Variants in BRINP3 observed in about 807,000 individuals in gnomAD.
BRINP3 encodes BMP/retinoic acid-inducible neural-specific protein 3.
A neutral mutation model predicts 71.0 loss-of-function variants in BRINP3; 19 were observed. That is an observed-to-expected ratio of 0.27 (90% confidence interval 0.19 to 0.39). The LOEUF (loss-of-function observed/expected upper bound fraction) is 0.39. BRINP3 is among the 10% of genes least tolerant of loss of function. The pLI is 1.00. For missense variants in BRINP3, 959 were observed against 940.8 expected, an observed-to-expected ratio of 1.02 and a Z score of -0.25; for synonymous variants, 380 against 337.7, an observed-to-expected ratio of 1.13 and a Z score of -1.37.
At chr1:190,448,710 A>T (rs1439528712) in intron 2 of BRINP3, among the ~76,000 whole-genome samples, 1 of 151,840 alleles carries the variant, frequency 6.6e-6, no homozygotes, top group East Asian at 1.9e-4. Context: ...GAAATTTTTA[A>T]GTCTGATTAT....
chr1:190,453,201 G>GTTTTTTTTTTTTTTTTTT (rs745819844), intron 2 of BRINP3, among the ~76,000 whole-genome samples: 1 of 37,854 alleles, frequency 2.6e-5, no homozygotes, highest in Non-Finnish European at 6.1e-5. Context: ...AAAAACTTTA[G>GTTTTTTTTTTTTTTTTTT]TATTTTTTTT....
intron 4 of BRINP3, among the ~76,000 whole-genome samples, chr1:190,242,972 C>T (rs1265846410): frequency 1.3e-5 from 2 of 152,086 alleles, no homozygotes; most frequent in African/African-American, 4.8e-5. Flanking sequence ...GGCACGACTA[C>T]AATGATTGGT....
chr1:190,146,160 A>G (rs1406429440), intron 7 of BRINP3, among the ~76,000 whole-genome samples: 1 of 152,172 alleles, frequency 6.6e-6, no homozygotes, highest in Non-Finnish European at 1.5e-5. Flanking sequence ...TAAAGAACTT[A>G]TCCATGTAAC....
chr1:190,246,750 G>A (rs201500026), intron 4 of BRINP3, among the ~76,000 whole-genome samples: 1 of 151,978 alleles, frequency 6.6e-6, no homozygotes, highest in Non-Finnish European at 1.5e-5. Context: ...TATGTGGCTT[G>A]CCTCCTTTTC....
chr1:190,205,293 T>G (rs1655399994), intron 6 of BRINP3, among the ~76,000 whole-genome samples: 1 of 150,586 alleles, frequency 6.6e-6, no homozygotes, highest in Admixed American at 6.6e-5. Flanking sequence ...CAGTAAGCGG[T>G]TGATATGGTT....
intron 6 of BRINP3, among the ~76,000 whole-genome samples, chr1:190,206,350 T>C (rs1655497840): frequency 6.6e-6 from 1 of 151,576 alleles, no homozygotes; most frequent in South Asian, 2.1e-4. Context: ...TAAATGTCAA[T>C]GAGCAGTAAG....
intron 6 of BRINP3, among the ~76,000 whole-genome samples, chr1:190,186,507 A>G (rs1209574062): frequency 6.6e-6 from 1 of 152,188 alleles, no homozygotes; most frequent in Non-Finnish European, 1.5e-5. Flanking sequence ...TCTTTTCACA[A>G]CAGTGCATGG....
At chr1:190,282,126 T>C (rs1275858464) in intron 2 of BRINP3, among the ~76,000 whole-genome samples, 1 of 151,964 alleles carries the variant, frequency 6.6e-6, no homozygotes, top group African/African-American at 2.4e-5. Flanking sequence ...AAAGAATGAT[T>C]TATATTCATC....
At chr1:190,342,398 G>C (rs1350374047) in intron 2 of BRINP3, 1 of 149,310 alleles carries the variant, frequency 6.7e-6, no homozygotes, top group Non-Finnish European at 1.5e-5. Flanking sequence ...AAAAATGATG[G>C]GTTATAAAGA....
intron 2 of BRINP3, among the ~76,000 whole-genome samples, chr1:190,383,710 A>G (rs1670698619): frequency 6.6e-6 from 1 of 152,062 alleles, no homozygotes; most frequent in South Asian, 2.1e-4. Context: ...CTTAGCATAG[A>G]TAGTCAGAAT....
At chr1:190,172,430 A>G (rs991648779) in intron 6 of BRINP3, among the ~76,000 whole-genome samples, 3 of 151,934 alleles carry the variant, frequency 2.0e-5, no homozygotes, top group Non-Finnish European at 2.9e-5. Flanking sequence ...TCTCCCATAC[A>G]TTTTTCATAA....
chr1:190,439,925 A>G (rs1005103558), intron 2 of BRINP3, among the ~76,000 whole-genome samples: 1 of 151,944 alleles, frequency 6.6e-6, no homozygotes, highest in Non-Finnish European at 1.5e-5. Flanking sequence ...AAAGGGAAGA[A>G]CTAGTCATAG....
chr1:190,448,435 T>G (rs1026750146), intron 2 of BRINP3, among the ~76,000 whole-genome samples: 1 of 150,348 alleles, frequency 6.7e-6, no homozygotes. Flanking sequence ...TAAATAATCT[T>G]TTTTCTTAAC....
At chr1:190,390,187 A>C (rs1671165544) in intron 2 of BRINP3, among the ~76,000 whole-genome samples, 1 of 151,698 alleles carries the variant, frequency 6.6e-6, no homozygotes. Flanking sequence ...CCTACTCTAA[A>C]ATAATGCTAC....
At chr1:190,379,952 C>G (rs145916934) in intron 2 of BRINP3, among the ~76,000 whole-genome samples, 1 of 130,900 alleles carries the variant, frequency 7.6e-6, no homozygotes, top group African/African-American at 2.9e-5. Flanking sequence ...GAGCTGAGAT[C>G]GTGCCATTGC....
chr1:190,267,538 TA>T (rs66827440), intron 3 of BRINP3, among the ~76,000 whole-genome samples: 25,323 of 151,732 alleles, frequency 0.17, 2,632 homozygotes, highest in Non-Finnish European at 0.23. Flanking sequence ...AAAAAAATGA[TA>T]AAAAAGCTTA....
intron 2 of BRINP3, among the ~76,000 whole-genome samples, chr1:190,376,895 G>T (rs1033980327): frequency 2.0e-5 from 3 of 151,942 alleles, no homozygotes; most frequent in Non-Finnish European, 4.4e-5. Flanking sequence ...GAAAGGCAGA[G>T]ACAAATATCC....
chr1:190,164,137 T>C (rs1389174631), intron 6 of BRINP3, among the ~76,000 whole-genome samples: 1 of 152,142 alleles, frequency 6.6e-6, no homozygotes, highest in Admixed American at 6.6e-5. Flanking sequence ...ATTGGAATTT[T>C]TGCCCTTACT....
intron 6 of BRINP3, among the ~76,000 whole-genome samples, chr1:190,208,748 G>T: frequency 6.6e-6 from 1 of 152,040 alleles, no homozygotes; most frequent in South Asian, 2.1e-4. Flanking sequence ...GACCGCCTTG[G>T]CCTCTCAATG....
Sources: allele counts gnomAD v4.1 joint callset (sites outside exome capture counted in the v4.1 genomes callset), GRCh38; gene constraint gnomAD v4.1.1; transcripts MANE v1.5; gene names NCBI Gene and HGNC (gene_info 2026-07-23, HGNC 2026-07-21).